The following CCDC171 variants were observed in gnomAD, a reference collection of about 807,000 sequenced individuals.
The protein encoded by CCDC171 is coiled-coil domain containing 171.
In CCDC171, 177 loss-of-function variants were observed where a neutral mutation model predicts 168.2. The observed-to-expected ratio is 1.05, with a 90% confidence interval of 0.93 to 1.19. The LOEUF (loss-of-function observed/expected upper bound fraction) is 1.19, where lower values mean the gene tolerates loss of function less well. Among genes scored for constraint, CCDC171 ranks in the 50% most tolerant of loss-of-function variants. The probability of loss-of-function intolerance (pLI) is 0.00; values close to 1 mark genes in which losing one functional copy is unlikely to be tolerated. For missense variants in CCDC171, 1,991 were observed against 1,539.0 expected (o/e 1.29, Z -4.91); for synonymous variants, 687 against 540.8 (o/e 1.27, Z -3.75).
At chr9:15,961,213 C>T (rs2132639233) in intron 25 of CCDC171, among the ~76,000 whole-genome samples, 1 of 152,278 alleles carries the variant, frequency 6.6e-6, no homozygotes, top group South Asian at 2.1e-4. Flanking sequence ...CCTTGAAAAA[C>T]ATATTGCTAC....
chr9:15,720,909 A>G (rs907878393), intron 11 of CCDC171, among the ~76,000 whole-genome samples: 47 of 152,228 alleles, frequency 3.1e-4, no homozygotes, highest in African/African-American at 4.8e-5. Flanking sequence ...TCATTGTTCA[A>G]TTCCCACCTA....
At chr9:15,633,601 T>G (rs2045939003) in intron 7 of CCDC171, among the ~76,000 whole-genome samples, 1 of 152,218 alleles carries the variant, frequency 6.6e-6, no homozygotes, top group South Asian at 2.1e-4. Context: ...TCAACCCTTG[T>G]GGAAGTCAGT....
At chr9:15,868,071 G>GT (rs1459371352) in intron 23 of CCDC171, among the ~76,000 whole-genome samples, 1 of 151,948 alleles carries the variant, frequency 6.6e-6, no homozygotes, top group Non-Finnish European at 1.5e-5. Context: ...CAAGAGATCA[G>GT]TTTTTTTATT....
chr9:16,039,504 C>T (rs1420087361), upstream of CCDC171, among the ~76,000 whole-genome samples: 1 of 152,192 alleles, frequency 6.6e-6, no homozygotes, highest in East Asian at 1.9e-4. Flanking sequence ...TACAGTGGCT[C>T]AGAGGAGGCT....
intron 12 of CCDC171, 90 bp downstream of exon 12, chr9:15,721,965 G>A: frequency 1.9e-6 from 1 of 530,514 alleles, no homozygotes; most frequent in South Asian, 6.1e-5. Flanking sequence ...AAAAAGATTG[G>A]GAATGTTGAA....
rs1305832259 is a variant in CCDC171, at chr9:15,591,379, A to G, written c.366A>G (p.Glu122=). Residue 122 remains glutamate, a synonymous_variant, in exon 5 of 26, where the codon GAA becomes GAG. Transcript: ENST00000380701. The part of the protein sequence containing the change: ...IQEKLCAQNS[E]LQAKTNETEK... Reference sequence around the variant, plus strand: ...TATTCTTAATAGCACAGAATTCAGAACTTCAAGCAAAGACAAATGAGACTG... The same window carrying G: ...TATTCTTAATAGCACAGAATTCAGAGCTTCAAGCAAAGACAAATGAGACTG... 1.3e-6 allele frequency: 2 copies of G among 1,598,718 alleles called. No homozygotes were observed. The highest frequency in any genetic ancestry group is 1.1e-5 in the South Asian group (1 of 87,816).
At chr9:15,984,610 A>G (rs1027465270) in intron 3 of CCDC171, among the ~76,000 whole-genome samples, 3 of 152,170 alleles carry the variant, frequency 2.0e-5, no homozygotes, top group Admixed American at 6.6e-5. Flanking sequence ...TAAATACATT[A>G]GTAAATAAAT....
At chr9:15,806,713 T>C (rs2059096105) in intron 21 of CCDC171, among the ~76,000 whole-genome samples, 1 of 152,114 alleles carries the variant, frequency 6.6e-6, no homozygotes, top group Non-Finnish European at 1.5e-5. Context: ...TGGGATGCTC[T>C]TGTGTAGAAT....
At position 15,595,633 on chromosome 9, in the gene CCDC171, A is replaced by G. The variant is rs201397765; in HGVS notation, c.675+1461A>G. On this transcript the variant is annotated intron_variant, in intron 6 of 25. Coordinates refer to ENST00000380701, the MANE Select transcript of CCDC171 (RefSeq NM_173550.4). ...TACATCTGCATGTGTCTTTATAGCA[A>G]CATGATTTATAATCCTTTGGTATAT... 2.0e-5 allele frequency among the ~76,000 whole-genome samples: 3 copies of G among 152,254 alleles called. No homozygotes were observed. In the South Asian group the frequency reaches 6.2e-4, roughly 32 times the overall value.
At chr9:15,896,614 G>T (rs1327003472) in intron 24 of CCDC171, among the ~76,000 whole-genome samples, 2 of 152,054 alleles carry the variant, frequency 1.3e-5, no homozygotes, top group Middle Eastern at 3.2e-3. Context: ...TAAGGAGGTT[G>T]CATATTTGCA....
At chr9:15,897,381 A>G (rs1207134712) in intron 24 of CCDC171, among the ~76,000 whole-genome samples, 1 of 151,958 alleles carries the variant, frequency 6.6e-6, no homozygotes, top group Non-Finnish European at 1.5e-5. Flanking sequence ...CTTCTTCCAA[A>G]TTATGTATGT....
the CCDC171 span, among the ~76,000 whole-genome samples, chr9:16,091,287 C>T: frequency 6.6e-6 from 1 of 152,164 alleles, no homozygotes; most frequent in Admixed American, 6.5e-5. Flanking sequence ...CCACCCTCAC[C>T]CCACACTCAC....
chr9:15,794,666 A>T (rs568981811), intron 21 of CCDC171, among the ~76,000 whole-genome samples: 51 of 152,282 alleles, frequency 3.3e-4, no homozygotes, highest in Non-Finnish European at 6.0e-4. Flanking sequence ...TTTTTAAGGG[A>T]TTATAAAAAA....
intron 1 of CCDC171, among the ~76,000 whole-genome samples, chr9:15,563,327 G>A (rs978120694): frequency 3.3e-5 from 5 of 151,798 alleles, no homozygotes. Flanking sequence ...TAGTAGAGGT[G>A]GGGTTTCTCC....
At chr9:15,759,448 G>C (rs62571268) in intron 18 of CCDC171, among the ~76,000 whole-genome samples, 67,030 of 151,838 alleles carry the variant, frequency 0.44, 15,107 homozygotes, top group Non-Finnish European at 0.48. Flanking sequence ...ATACATTACT[G>C]TCATTCAGAT....
At chr9:15,978,222 T>G (rs1831679699), downstream of CCDC171, among the ~76,000 whole-genome samples, 1 of 152,208 alleles carries the variant, frequency 6.6e-6, no homozygotes, top group South Asian at 2.1e-4. Context: ...CGGTTTTCCT[T>G]GGGCTGAGGA....
intron 1 of CCDC171, among the ~76,000 whole-genome samples, chr9:16,050,060 T>C (rs1833725782): frequency 6.6e-6 from 1 of 152,098 alleles, no homozygotes. Context: ...CTAATTTTTG[T>C]ATTTTTAGTA....
At chr9:16,034,247 T>A (rs1482157861) in intron 6 of CCDC171, among the ~76,000 whole-genome samples, 1 of 152,214 alleles carries the variant, frequency 6.6e-6, no homozygotes, top group Non-Finnish European at 1.5e-5. Context: ...TCAGTTGTGT[T>A]GGAGTTCCCA....
At chr9:15,819,700 G>T (rs1266243603) in intron 21 of CCDC171, among the ~76,000 whole-genome samples, 1 of 117,310 alleles carries the variant, frequency 8.5e-6, no homozygotes, top group Admixed American at 8.0e-5. Flanking sequence ...CAAGTCCTGA[G>T]TGACCTACAA....
Sources: gnomAD v4.1 joint callset for allele counts (sites outside exome capture counted in the v4.1 genomes callset) on GRCh38, gnomAD v4.1.1 for gene constraint, MANE v1.5 for transcripts, NCBI Gene and HGNC (gene_info 2026-07-23, HGNC 2026-07-21) for gene names.